The following RIMS1 variants were observed in gnomAD, a reference collection of about 807,000 sequenced individuals.
RIMS1 encodes regulating synaptic membrane exocytosis 1, also known as regulating synaptic membrane exocytosis protein 1.
RIMS1 carries 83 observed loss-of-function variants against 214.1 expected under a neutral mutation model. The ratio of observed to expected loss-of-function variants is 0.39; its 90% CI spans 0.32 to 0.47. The LOEUF is 0.47. Ranked by LOEUF, RIMS1 falls within the 20% of genes least tolerant of loss-of-function variation. The probability of loss-of-function intolerance (pLI) is 0.99; values close to 1 mark genes in which losing one functional copy is unlikely to be tolerated. For synonymous variants in RIMS1, 793 were observed against 786.8 expected (o/e 1.01, Z -0.13); for missense variants, 2,050 against 2,161.8 (o/e 0.95, Z 1.03).
chr6:71,928,279 C>G (rs983184698), intron 1 of RIMS1, among the ~76,000 whole-genome samples: 1 of 151,802 alleles, frequency 6.6e-6, no homozygotes, highest in African/African-American at 2.4e-5. Flanking sequence ...AACAGTATAC[C>G]CCGATCATCC....
chr6:72,250,579 C>G (rs2072802725), intron 13 of RIMS1, 119 bp downstream of exon 13: 2 of 677,724 alleles, frequency 3.0e-6, no homozygotes, highest in Non-Finnish European at 4.6e-6. Flanking sequence ...GATAAAAGTA[C>G]ATTATCTCTG....
intron 1 of RIMS1, among the ~76,000 whole-genome samples, chr6:71,966,844 A>AG (rs1794598103): frequency 6.6e-6 from 1 of 152,070 alleles, no homozygotes; most frequent in Admixed American, 6.5e-5. Context: ...TAGTCAGAAA[A>AG]AAAAATGTTT....
Position 72,017,884 on chromosome 6 carries a change from A to G in RIMS1, c.245+48821A>G, listed in dbSNP as rs150839753. Among the ~76,000 whole-genome samples the G allele has an allele frequency of 6.3e-3, 966 of 152,332 alleles. 5 individuals carry two copies. Among genetic ancestry groups the G allele is most frequent in the Non-Finnish European group, 0.011 (715 of 68,022 alleles). On this transcript the variant is annotated intron_variant, in intron 2 of 33. Coordinates refer to ENST00000521978, the MANE Select transcript of RIMS1 (RefSeq NM_014989.7). ...GGGCAGAAGGACATGCAAGTGCAAT[A>G]TCCACAAAATGGAACTGTGCCTGGA...
chr6:72,265,816 C>T, intron 21 of RIMS1, 144 bp from the exon 22 acceptor site: 2 of 631,590 alleles, frequency 3.2e-6, no homozygotes, highest in Non-Finnish European at 5.5e-6. Context: ...TCAACTCTCT[C>T]ACACCCTTAT....
At chr6:72,393,377 G>C (rs938413471) in intron 31 of RIMS1, among the ~76,000 whole-genome samples, 1 of 152,132 alleles carries the variant, frequency 6.6e-6, no homozygotes, top group Admixed American at 6.5e-5. Context: ...AGGCTTGATA[G>C]AAAATCATGC....
At chr6:71,955,269 C>A (rs530174869) in intron 1 of RIMS1, among the ~76,000 whole-genome samples, 19 of 152,052 alleles carry the variant, frequency 1.2e-4, no homozygotes, top group African/African-American at 4.6e-4. Flanking sequence ...CAGGTTCAAG[C>A]GATTCTCCTG....
chr6:72,119,450 A>T (rs1471803444), intron 4 of RIMS1, among the ~76,000 whole-genome samples: 1 of 151,742 alleles, frequency 6.6e-6, no homozygotes, highest in Admixed American at 6.6e-5. Context: ...TAGAAAACAC[A>T]ATTCTAAAAT....
At chr6:72,386,879 G>A (rs112386871) in intron 29 of RIMS1, among the ~76,000 whole-genome samples, 23 of 151,458 alleles carry the variant, frequency 1.5e-4, no homozygotes, top group African/African-American at 5.1e-4. Context: ...GACTACAGGC[G>A]CCCGCCACCA....
At chr6:72,145,576 C>T (rs191974737) in intron 4 of RIMS1, among the ~76,000 whole-genome samples, 90 of 152,198 alleles carry the variant, frequency 5.9e-4, no homozygotes, top group Admixed American at 7.8e-4. Flanking sequence ...CATGCCACTG[C>T]ACCCCAGCCT....
At chr6:71,900,881 A>G (rs1441797278) in intron 1 of RIMS1, among the ~76,000 whole-genome samples, 1 of 152,162 alleles carries the variant, frequency 6.6e-6, no homozygotes, top group Admixed American at 6.6e-5. Flanking sequence ...AGGCTGAGTG[A>G]TTAAATTCAG....
intron 4 of RIMS1, among the ~76,000 whole-genome samples, chr6:72,151,302 A>C (rs2043546978): frequency 1.3e-5 from 2 of 152,186 alleles, no homozygotes; most frequent in African/African-American, 2.4e-5. Flanking sequence ...TCTGCCTCCC[A>C]AAGTGCTGCG....
At chr6:72,131,443 T>C (rs2040417666) in intron 4 of RIMS1, among the ~76,000 whole-genome samples, 1 of 152,056 alleles carries the variant, frequency 6.6e-6, no homozygotes, top group African/African-American at 2.4e-5. Context: ...AAGCTGGGCG[T>C]CCGGGGGAGA....
At chr6:72,326,000 G>A (rs2096445510) in intron 28 of RIMS1, among the ~76,000 whole-genome samples, 1 of 151,788 alleles carries the variant, frequency 6.6e-6, no homozygotes, top group African/African-American at 2.4e-5. Context: ...ACTGTTTGTG[G>A]TTAGTAACTT....
At chr6:72,351,567 G>A (rs1332124395) in intron 29 of RIMS1, among the ~76,000 whole-genome samples, 1 of 152,102 alleles carries the variant, frequency 6.6e-6, no homozygotes, top group Non-Finnish European at 1.5e-5. Context: ...GATTCTTCAA[G>A]GAAAACACAG....
chr6:72,321,962 A>G (rs1027473700), intron 28 of RIMS1, among the ~76,000 whole-genome samples: 2 of 152,148 alleles, frequency 1.3e-5, no homozygotes, highest in African/African-American at 4.8e-5. Flanking sequence ...TCAATTTTAT[A>G]AGAAGACTAA....
intron 6 of RIMS1, among the ~76,000 whole-genome samples, chr6:72,194,387 A>G (rs1304766178): frequency 6.6e-6 from 1 of 152,140 alleles, no homozygotes; most frequent in Non-Finnish European, 1.5e-5. Flanking sequence ...ATATATGTGT[A>G]CTATTATTGT....
At chr6:72,283,839 T>A (rs1387119254) in intron 23 of RIMS1, among the ~76,000 whole-genome samples, 1 of 152,206 alleles carries the variant, frequency 6.6e-6, no homozygotes, top group African/African-American at 2.4e-5. Flanking sequence ...ATTGGGCAAC[T>A]TGTGTCTTCC....
At chr6:72,038,482 A>T (rs1820556564) in intron 2 of RIMS1, among the ~76,000 whole-genome samples, 1 of 152,112 alleles carries the variant, frequency 6.6e-6, no homozygotes, top group Admixed American at 6.6e-5. Flanking sequence ...TTAGGGCTTA[A>T]ACACCTTAAA....
rs1461376073 is a variant in RIMS1 at position 72,235,742 on chromosome 6, T to C, written c.1857+14T>C. ...CTGGGTCTGAAAGTAAGTATGCTGGTTTAAAATGTTTCTTAAAGGGTGAAT... is the reference window on the plus strand; with the variant it reads ...CTGGGTCTGAAAGTAAGTATGCTGGCTTAAAATGTTTCTTAAAGGGTGAAT... On this transcript the variant is annotated intron_variant, in intron 8 of 33. Transcript: ENST00000521978. 6.6e-7 allele frequency: 1 copy of C among 1,507,852 alleles called. No individual in the cohort carries two copies. The highest frequency in any genetic ancestry group is 9.1e-7 in the Non-Finnish European group (1 of 1,101,710). 93.4% of individuals were successfully genotyped at this position (1,507,852 alleles called of 1,614,324 possible).
Sources: allele counts gnomAD v4.1 joint callset (sites outside exome capture counted in the v4.1 genomes callset), GRCh38; gene constraint gnomAD v4.1.1; transcripts MANE v1.5; gene names NCBI Gene and HGNC (gene_info 2026-07-23, HGNC 2026-07-21).